The following BRWD1 variants were observed in gnomAD, a reference collection of about 807,000 sequenced individuals.
BRWD1 encodes the protein bromodomain and WD repeat-containing protein 1.
BRWD1 carries 82 observed loss-of-function variants against 251.2 expected under a neutral mutation model. The observed-to-expected ratio is 0.33, with a 90% CI of 0.27 to 0.39. The LOEUF (loss-of-function observed/expected upper bound fraction) is 0.39, where lower values mean the gene tolerates loss of function less well. Among genes scored for constraint, BRWD1 ranks in the 10% least tolerant of loss-of-function variants. The pLI is 1.00. For missense variants in BRWD1, 2,233 were observed against 2,711.6 expected (o/e 0.82, Z 3.92); for synonymous variants, 918 against 902.8 (o/e 1.02, Z -0.30).
At chr21:39,250,391 C>T (rs976627255) in intron 20 of BRWD1, among the ~76,000 whole-genome samples, 2 of 151,588 alleles carry the variant, frequency 1.3e-5, no homozygotes, top group African/African-American at 4.9e-5. Flanking sequence ...AAATGGTCCA[C>T]AGGGAAGCAA....
chr21:39,274,273 C>T, intron 13 of BRWD1, 101 bp downstream of exon 13: 1 of 942,090 alleles, frequency 1.1e-6, no homozygotes, highest in Non-Finnish European at 1.7e-6. Context: ...ATAATCCCCT[C>T]AACAAAATAA....
intron 9 of BRWD1, among the ~76,000 whole-genome samples, chr21:39,279,638 C>CAAAAAAAAAAAAAAAA (rs77282416): frequency 3.0e-5 from 2 of 66,916 alleles, no homozygotes; most frequent in Admixed American, 1.8e-4. Flanking sequence ...GACTCCATCT[C>CAAAAAAAAAAAAAAAA]AAAAAAAAAA....
chr21:39,238,351 C>A, intron 22 of BRWD1, 128 bp downstream of exon 22: 7 of 558,888 alleles, frequency 1.3e-5, no homozygotes, highest in East Asian at 1.0e-4. Context: ...TAGTTTTTGT[C>A]TCCTTTTAAG....
intron 10 of BRWD1, among the ~76,000 whole-genome samples, chr21:39,278,143 C>T (rs2035336409): frequency 6.6e-6 from 1 of 152,100 alleles, no homozygotes; most frequent in South Asian, 2.1e-4. Flanking sequence ...AGTCACTGTG[C>T]CTGGCCTCCC....
Position 39,218,142 on chromosome 21 carries a change from T to A in BRWD1, c.3659+10A>T. On this transcript the variant is annotated intron_variant, in intron 31 of 40. Coordinates refer to ENST00000342449, the MANE Select transcript of BRWD1 (RefSeq NM_033656.4). ...CTTTTTAAACATTTTGAAAGCAGGT[T>A]TCTACTAACCTGTAAAATCGATTAA... 6.3e-7 allele frequency: 1 copy of A among 1,589,320 alleles called. No homozygotes were observed. Among genetic ancestry groups the A allele is most frequent in the Non-Finnish European group, 8.5e-7 (1 of 1,172,988 alleles).
Position 39,189,700 on chromosome 21 carries a change from A to C in BRWD1, c.*6559T>G. ...TGGAGAATTTTTTTAAATACATTCAAGTCAGTGTTAATTTTATTACTGAAA... is the reference window on the plus strand; with the variant it reads ...TGGAGAATTTTTTTAAATACATTCACGTCAGTGTTAATTTTATTACTGAAA... On this transcript the variant is annotated 3_prime_UTR_variant, in exon 41 of 41. Transcript: ENST00000342449. The C allele has an allele frequency of 3.1e-6, 3 of 982,098 alleles. No individual in the cohort carries two copies. The highest frequency in any genetic ancestry group is 3.6e-6 in the Non-Finnish European group (3 of 826,886). 60.8% of individuals were successfully genotyped at this position (982,098 alleles called of 1,614,324 possible). A position where few individuals can be genotyped will look rare whatever the true frequency, so the allele number is the denominator to read the frequency against.
At chr21:39,247,452 G>C (rs2034235278) in intron 21 of BRWD1, among the ~76,000 whole-genome samples, 1 of 152,160 alleles carries the variant, frequency 6.6e-6, no homozygotes, top group South Asian at 2.1e-4. Flanking sequence ...GAAAGTTTCA[G>C]ATTTTGGTGC....
chr21:39,187,550 A>C lies in BRWD1; in HGVS notation c.*8709T>G. 1 of 1,396,290 alleles carries C rather than the reference A, an allele frequency of 7.2e-7. No homozygotes were observed. The highest frequency in any genetic ancestry group is 9.2e-7 in the Non-Finnish European group (1 of 1,081,610). The allele number at this position is 1,396,290 out of a possible 1,614,324, so 86.5% of individuals were successfully genotyped here. ...GTCATATTGCTAAATGATAAATTTT[A>C]AAATGTGATACTAAGGGCTTCTTCA... On this transcript the variant is annotated 3_prime_UTR_variant, in exon 41 of 41. Coordinates refer to ENST00000342449, the MANE Select transcript of BRWD1 (RefSeq NM_033656.4).
downstream of BRWD1, chr21:39,184,814 A>C (rs944717628): frequency 6.6e-6 from 1 of 152,210 alleles, no homozygotes; most frequent in Non-Finnish European, 1.5e-5. Context: ...CAAGATCACC[A>C]CAATGATGTT....
At chr21:39,210,651 CACTA>C in intron 35 of BRWD1, 131 bp downstream of exon 35, 1 of 972,174 alleles carries the variant, frequency 1.0e-6, no homozygotes, top group Non-Finnish European at 1.5e-6. Flanking sequence ...ATACTTCTAC[CACTA>C]ACTTAGTGAT....
chr21:39,304,334 G>A (rs2036216483), intron 4 of BRWD1, among the ~76,000 whole-genome samples: 1 of 152,006 alleles, frequency 6.6e-6, no homozygotes, highest in Non-Finnish European at 1.5e-5. Flanking sequence ...AAATGAGCAA[G>A]GCACAGTGGC....
chr21:39,313,672 G>GGGGGAGGAAGTAGTCCCTCCGCA (rs758688268), upstream of BRWD1: 26,295 of 419,724 alleles, frequency 0.063, 1,617 homozygotes, highest in Non-Finnish European at 0.081. Flanking sequence ...GTTCCTCCGC[G>GGGGGAGGAAGTAGTCCCTCCGCA]GGAGACGAAA....
chr21:39,190,094 A>G lies in BRWD1; in HGVS notation c.*6165T>C, dbSNP rs552914975. 2 of 985,356 alleles carry G rather than the reference A, an allele frequency of 2.0e-6. No individual in the cohort carries two copies. Among genetic ancestry groups the G allele is most frequent in the African/African-American group, 3.5e-5 (2 of 57,356 alleles). 61.0% of individuals were successfully genotyped at this position (985,356 alleles called of 1,614,324 possible). Reference sequence around the variant, plus strand: ...ATCATTTCCCTGGATGACCACTTTAAATTATAACTCACAGATATGTGTGTA... The same window carrying G: ...ATCATTTCCCTGGATGACCACTTTAGATTATAACTCACAGATATGTGTGTA... On this transcript the variant is annotated 3_prime_UTR_variant, in exon 41 of 41. Coordinates refer to ENST00000342449, the MANE Select transcript of BRWD1 (RefSeq NM_033656.4).
intron 13 of BRWD1, among the ~76,000 whole-genome samples, chr21:39,273,257 C>T (rs2035174970): frequency 6.6e-6 from 1 of 152,122 alleles, no homozygotes; most frequent in South Asian, 2.1e-4. Flanking sequence ...CCCTTTATTT[C>T]AACTAATCAA....
At chr21:39,236,807 G>C in intron 22 of BRWD1, 23 bp from the exon 23 acceptor site, 2 of 1,599,630 alleles carry the variant, frequency 1.3e-6, no homozygotes, top group Middle Eastern at 1.7e-4. Context: ...AGTGCTTTCA[G>C]TTGAATGGAG....
chr21:39,316,226 T>C (rs1268251412), upstream of BRWD1, among the ~76,000 whole-genome samples: 8 of 152,174 alleles, frequency 5.3e-5, no homozygotes, highest in African/African-American at 1.9e-4. Flanking sequence ...CAGAAGTATG[T>C]AGGACAGTAA....
In BRWD1 at chr21:39,191,409, T is replaced by C; in HGVS notation, c.*4850A>G. On this transcript the variant is annotated 3_prime_UTR_variant, in exon 41 of 41. Transcript: ENST00000342449. ...TGGCTTGGAGTAGTGTTTTGTTTTGTTTTTTAACTCTTTTGCTTGTTAAGA... is the reference window on the plus strand; with the variant it reads ...TGGCTTGGAGTAGTGTTTTGTTTTGCTTTTTAACTCTTTTGCTTGTTAAGA... 3 of 985,336 alleles carry C rather than the reference T, an allele frequency of 3.0e-6. No homozygotes were observed. The highest frequency in any genetic ancestry group is 3.6e-6 in the Non-Finnish European group (3 of 829,904). The allele number at this position is 985,336 out of a possible 1,614,324, so 61.0% of individuals were successfully genotyped here.
intron 21 of BRWD1, 97 bp from the exon 22 acceptor site, chr21:39,238,670 T>A: frequency 1.3e-6 from 1 of 770,520 alleles, no homozygotes. Flanking sequence ...TAAGATTAAA[T>A]CATCTAAGAA....
intron 4 of BRWD1, 55 bp downstream of exon 4, chr21:39,312,785 CG>C: frequency 1.4e-6 from 2 of 1,439,916 alleles, no homozygotes; most frequent in Non-Finnish European, 1.9e-6. Flanking sequence ...GGGGAAGGGG[CG>C]GGGGCGGGGG....
Sources: allele counts gnomAD v4.1 joint callset (sites outside exome capture counted in the v4.1 genomes callset), GRCh38; gene constraint gnomAD v4.1.1; transcripts MANE v1.5; gene names NCBI Gene and HGNC (gene_info 2026-07-23, HGNC 2026-07-21).